Variants in PDXDC1 observed in about 807,000 individuals in gnomAD.
The protein encoded by PDXDC1 is pyridoxal dependent decarboxylase domain containing 1.
PDXDC1 carries 42 observed loss-of-function variants against 100.1 expected under a neutral mutation model. The ratio of observed to expected loss-of-function variants is 0.42; its 90% CI spans 0.33 to 0.54. The LOEUF is 0.54. PDXDC1 is among the 20% of genes least tolerant of loss of function. The pLI is 0.10. For synonymous variants in PDXDC1, 260 were observed against 371.7 expected (o/e 0.70, Z 3.46); for missense variants, 636 against 979.2 (o/e 0.65, Z 4.68).
At chr16:14,977,857 T>A (rs1481356342) in intron 1 of PDXDC1, among the ~76,000 whole-genome samples, 1 of 152,294 alleles carries the variant, frequency 6.6e-6, no homozygotes, top group Non-Finnish European at 1.5e-5. Flanking sequence ...AACTGATTGT[T>A]GCATAATTTA....
chr16:15,081,396 T>G (rs1460647931), intron 16 of PDXDC1, among the ~76,000 whole-genome samples: 1 of 152,204 alleles, frequency 6.6e-6, no homozygotes, highest in Admixed American at 6.5e-5. Context: ...TACTGTCTTC[T>G]CGTTCTGATT....
chr16:15,100,832 C>T (rs2046517777), intron 16 of PDXDC1, among the ~76,000 whole-genome samples: 2 of 152,014 alleles, frequency 1.3e-5, no homozygotes. Context: ...CAGAAAAATA[C>T]AAAAATCAGC....
chr16:15,150,179 C>A, the PDXDC1 span, among the ~76,000 whole-genome samples: 1 of 151,648 alleles, frequency 6.6e-6, no homozygotes, highest in Non-Finnish European at 1.5e-5. Flanking sequence ...CCCGTCTCTA[C>A]TAAAAATACA....
intron 16 of PDXDC1, chr16:15,094,373 G>T: frequency 2.6e-6 from 2 of 774,562 alleles, no homozygotes; most frequent in Non-Finnish European, 4.2e-6. Flanking sequence ...GTATGCTCTC[G>T]GCGGGCTAGA....
rs2044210550 is a variant in PDXDC1 at position 15,049,413 on chromosome 16, C to T, written c.1399+19357C>T. On this transcript the variant is annotated intron_variant, in intron 16 of 16. Coordinates refer to the PDXDC1 transcript ENST00000535621. ...GAAATAACTCAAAATATGTTCATCC[C>T]TGTGTTATTTCTTTTATCTTATTTT... is the stretch of plus-strand genomic sequence containing the variant. Among the ~76,000 whole-genome samples the T allele has an allele frequency of 2.0e-5, 3 of 151,414 alleles. No individual in the cohort carries two copies. In the Admixed American group the frequency reaches 2.0e-4, roughly 10 times the overall value.
At chr16:15,047,740 A>G (rs2044133449) in intron 16 of PDXDC1, 1 of 997,382 alleles carries the variant, frequency 1.0e-6, no homozygotes, top group African/African-American at 1.6e-5. Flanking sequence ...GACCAGAAAA[A>G]AGGTAAGCGG....
intron 16 of PDXDC1, among the ~76,000 whole-genome samples, chr16:15,065,659 A>G (rs2044938727): frequency 6.6e-6 from 1 of 152,250 alleles, no homozygotes; most frequent in Non-Finnish European, 1.5e-5. Context: ...TATTTTAATG[A>G]GTAATAGATA....
chr16:14,994,656 G>GT (rs1302470137), intron 1 of PDXDC1, among the ~76,000 whole-genome samples: 3 of 152,298 alleles, frequency 2.0e-5, no homozygotes, highest in Non-Finnish European at 4.4e-5. Flanking sequence ...CTTTAAAGTA[G>GT]TTTTTTCCAA....
chr16:14,999,019 A>C (rs1002844883), intron 3 of PDXDC1, among the ~76,000 whole-genome samples: 1 of 152,284 alleles, frequency 6.6e-6, no homozygotes, highest in African/African-American at 2.4e-5. Context: ...CAGGAGTTCA[A>C]GGTTACAGCG....
chr16:14,978,272 A>G (rs964519967), intron 1 of PDXDC1, among the ~76,000 whole-genome samples: 3 of 152,298 alleles, frequency 2.0e-5, no homozygotes, highest in African/African-American at 7.2e-5. Flanking sequence ...AAGGCCCTGT[A>G]GCAGAGTCTC....
chr16:15,095,925 C>G (rs978258478), intron 16 of PDXDC1, among the ~76,000 whole-genome samples: 2 of 149,308 alleles, frequency 1.3e-5, no homozygotes, highest in African/African-American at 2.5e-5. Context: ...AGTTCAAGAC[C>G]AGCCTGGGCA....
Position 15,049,515 on chromosome 16 carries a change from A to G in PDXDC1, c.1399+19459A>G, listed in dbSNP as rs191361189. 2.3e-3 allele frequency among the ~76,000 whole-genome samples: 347 copies of G among 150,786 alleles called. 3 individuals carry two copies. The highest frequency in any genetic ancestry group is 8.0e-3 in the African/African-American group (328 of 40,998). ...GTGATCTCAGTTCACTGCAATCTCC[A>G]CCTCCCAGGTTCAAGCGATTCTCGT... On this transcript the variant is annotated intron_variant, in intron 16 of 16. Coordinates refer to the PDXDC1 transcript ENST00000535621.
chr16:15,082,616 C>T (rs191237677), intron 16 of PDXDC1, among the ~76,000 whole-genome samples: 220 of 151,596 alleles, frequency 1.5e-3, no homozygotes, highest in African/African-American at 5.2e-3. Flanking sequence ...GAGGCTGCAG[C>T]GAGCTGAGAT....
At chr16:15,021,550 T>G (rs1292717811) in intron 12 of PDXDC1, among the ~76,000 whole-genome samples, 4 of 152,286 alleles carry the variant, frequency 2.6e-5, no homozygotes, top group African/African-American at 9.6e-5. Flanking sequence ...TCGGGAGATT[T>G]TTTCAATATC....
At chr16:15,060,757 G>C (rs2044680762) in intron 16 of PDXDC1, 1 of 152,266 alleles carries the variant, frequency 6.6e-6, no homozygotes, top group Non-Finnish European at 1.5e-5. Context: ...ATCAGACCAA[G>C]ACTGCACTAG....
At chr16:15,094,446 G>C in intron 16 of PDXDC1, 1 of 589,182 alleles carries the variant, frequency 1.7e-6, no homozygotes, top group African/African-American at 1.9e-5. Flanking sequence ...GCTAGTGCGT[G>C]AGTATAAGGA....
chr16:15,085,166 C>G (rs1415736856), intron 16 of PDXDC1, among the ~76,000 whole-genome samples: 2 of 152,186 alleles, frequency 1.3e-5, no homozygotes, highest in Non-Finnish European at 2.9e-5. Flanking sequence ...AGATTTTTCT[C>G]CACCAGCATC....
rs1375245268 is a variant in PDXDC1, at chr16:15,132,020, G to GA, written c.1400-6859_1400-6858insA. On this transcript the variant is annotated intron_variant, in intron 16 of 16. Coordinates refer to the PDXDC1 transcript ENST00000535621. ...ATAAGGGAGGGGAAGGGGGATAAGG[G>GA]GATAAGGGAGGGGAAGGAGGATAAG... 4.4e-4 allele frequency among the ~76,000 whole-genome samples: 4 copies of GA among 9,172 alleles called. No homozygotes were observed. The South Asian group carries it at 0.014, about 31-fold the overall frequency. 6.0% of individuals were successfully genotyped at this position (9,172 alleles called of 152,430 possible).
intron 16 of PDXDC1, chr16:15,044,409 T>C (rs1567761090): frequency 6.2e-7 from 1 of 1,611,068 alleles, no homozygotes; most frequent in East Asian, 2.2e-5. Context: ...ACTTCCAGCC[T>C]GGCAAAGAGA....
Sources: allele counts gnomAD v4.1 joint callset (sites outside exome capture counted in the v4.1 genomes callset), GRCh38; gene constraint gnomAD v4.1.1; transcripts MANE v1.5; gene names NCBI Gene and HGNC (gene_info 2026-07-23, HGNC 2026-07-21).